Variants in ENTREP2 observed in about 807,000 individuals in gnomAD.
The protein encoded by ENTREP2 is endosomal transmembrane epsin interactor 2.
the ENTREP2 span, among the ~76,000 whole-genome samples, chr15:29,627,653 G>T: frequency 4.0e-3 from 601 of 151,088 alleles, 4 homozygotes; most frequent in African/African-American, 0.014. Context: ...CTTATTCCCC[G>T]TTTTGCTAGT....
At chr15:29,345,059 C>T in the ENTREP2 span, among the ~76,000 whole-genome samples, 1 of 151,804 alleles carries the variant, frequency 6.6e-6, no homozygotes, top group South Asian at 2.1e-4. Context: ...TAAGTGGGAA[C>T]AATATAATCC....
the ENTREP2 span, among the ~76,000 whole-genome samples, chr15:29,339,383 G>A: frequency 3.8e-3 from 573 of 152,342 alleles, 5 homozygotes; most frequent in African/African-American, 0.013. Flanking sequence ...CAGGTAACCA[G>A]GTCTTTCTGG....
chr15:29,271,885 T>C, the ENTREP2 span, among the ~76,000 whole-genome samples: 1 of 152,086 alleles, frequency 6.6e-6, no homozygotes, highest in Non-Finnish European at 1.5e-5. Flanking sequence ...TCAAAAAAGT[T>C]CAGTGACCGA....
At chr15:29,503,927 T>C in the ENTREP2 span, among the ~76,000 whole-genome samples, 3 of 152,236 alleles carry the variant, frequency 2.0e-5, no homozygotes, top group African/African-American at 7.2e-5. Flanking sequence ...AATTTTGTAT[T>C]CTTTCTGTTA....
At chr15:29,460,231 G>A in the ENTREP2 span, among the ~76,000 whole-genome samples, 1 of 152,150 alleles carries the variant, frequency 6.6e-6, no homozygotes, top group Non-Finnish European at 1.5e-5. Context: ...CAGCCTGGGT[G>A]ACAGAGCAAG....
the ENTREP2 span, among the ~76,000 whole-genome samples, chr15:29,229,637 C>A: frequency 6.6e-6 from 1 of 152,150 alleles, no homozygotes; most frequent in Admixed American, 6.5e-5. Context: ...CTTCACATGG[C>A]ATTACTAACC....
chr15:29,215,451 T>G, the ENTREP2 span, among the ~76,000 whole-genome samples: 1 of 152,084 alleles, frequency 6.6e-6, no homozygotes, highest in African/African-American at 2.4e-5. Context: ...CTTCCTGCCC[T>G]CAAACATTGG....
the ENTREP2 span, among the ~76,000 whole-genome samples, chr15:29,232,642 A>C: frequency 6.7e-6 from 1 of 150,366 alleles, no homozygotes; most frequent in Non-Finnish European, 1.5e-5. Flanking sequence ...ACAGGTATGC[A>C]CCACCACACC....
chr15:29,396,705 T>C, the ENTREP2 span, among the ~76,000 whole-genome samples: 1 of 152,204 alleles, frequency 6.6e-6, no homozygotes, highest in East Asian at 1.9e-4. Context: ...GTAAAGCTTT[T>C]CCCCTAAGCT....
At chr15:29,574,176 T>C in the ENTREP2 span, among the ~76,000 whole-genome samples, 1 of 152,304 alleles carries the variant, frequency 6.6e-6, no homozygotes, top group East Asian at 1.9e-4. Flanking sequence ...ATTATAATCA[T>C]ACATGTCCTA....
chr15:29,621,469 G>A, the ENTREP2 span, among the ~76,000 whole-genome samples: 3 of 138,078 alleles, frequency 2.2e-5, no homozygotes, highest in Non-Finnish European at 4.6e-5. Context: ...CTTGCAGTGA[G>A]CCGAGATCGT....
the ENTREP2 span, among the ~76,000 whole-genome samples, chr15:29,534,635 T>G: frequency 6.6e-6 from 1 of 152,256 alleles, no homozygotes; most frequent in East Asian, 1.9e-4. Flanking sequence ...TACTTATTGT[T>G]AAGTAGGAGA....
At chr15:29,172,391 GA>G in the ENTREP2 span, among the ~76,000 whole-genome samples, 1 of 152,158 alleles carries the variant, frequency 6.6e-6, no homozygotes, top group Non-Finnish European at 1.5e-5. Flanking sequence ...TAGATGGTTG[GA>G]AGTGTCAGAC....
At chr15:29,312,122 GA>G in the ENTREP2 span, among the ~76,000 whole-genome samples, 1 of 152,060 alleles carries the variant, frequency 6.6e-6, no homozygotes, top group Non-Finnish European at 1.5e-5. Context: ...AATTAACAAA[GA>G]AAAACTAACT....
chr15:29,312,519 T>C, the ENTREP2 span, among the ~76,000 whole-genome samples: 2 of 152,212 alleles, frequency 1.3e-5, no homozygotes, highest in Admixed American at 6.5e-5. Flanking sequence ...ATCATGTGCT[T>C]ACTTTGTCTC....
At chr15:29,265,105 G>C in the ENTREP2 span, 1 of 151,800 alleles carries the variant, frequency 6.6e-6, no homozygotes, top group Non-Finnish European at 1.5e-5. Flanking sequence ...AGGACTGAAG[G>C]GGTAACTAAA....
chr15:29,332,444 G>A, the ENTREP2 span, among the ~76,000 whole-genome samples: 1 of 151,912 alleles, frequency 6.6e-6, no homozygotes, highest in Non-Finnish European at 1.5e-5. Flanking sequence ...GAAAAAAAAA[G>A]GAATAAATTC....
At chr15:29,642,564 C>CTATATATATAGTGTATATG in the ENTREP2 span, among the ~76,000 whole-genome samples, 3 of 145,066 alleles carry the variant, frequency 2.1e-5, no homozygotes, top group African/African-American at 5.2e-5. Context: ...CATATATATA[C>CTATATATATAGTGTATATG]TATATACTAT....
the ENTREP2 span, among the ~76,000 whole-genome samples, chr15:29,387,192 A>C: frequency 2.0e-4 from 31 of 152,318 alleles, no homozygotes; most frequent in African/African-American, 6.3e-4. Context: ...TAATTTATTG[A>C]GAGTTTTTAG....
Sources: gnomAD v4.1 joint callset for allele counts (sites outside exome capture counted in the v4.1 genomes callset) on GRCh38, gnomAD v4.1.1 for gene constraint, MANE v1.5 for transcripts, NCBI Gene and HGNC (gene_info 2026-07-23, HGNC 2026-07-21) for gene names.